Variants in PHLPP1 observed in about 807,000 individuals in gnomAD.
PHLPP1 encodes PH domain leucine-rich repeat-containing protein phosphatase 1.
Under a neutral mutation model 117.2 loss-of-function variants are expected in PHLPP1, and 42 were observed. The ratio of observed to expected loss-of-function variants is 0.36; its 90% CI spans 0.28 to 0.46. The LOEUF is 0.46. PHLPP1 is among the 20% of genes least tolerant of loss of function. The pLI is 1.00. For synonymous variants in PHLPP1, 1,042 were observed against 970.7 expected, an observed-to-expected ratio of 1.07 and a Z score of -1.37; for missense variants, 2,084 against 2,241.9, an observed-to-expected ratio of 0.93 and a Z score of 1.42.
chr18:62,855,708 G>A (rs947992946), intron 3 of PHLPP1, among the ~76,000 whole-genome samples: 1 of 152,224 alleles, frequency 6.6e-6, no homozygotes, highest in Non-Finnish European at 1.5e-5. Flanking sequence ...TTACGGTCTA[G>A]AAGGAGGAAA....
rs1243970277 is a variant in PHLPP1, at chr18:62,979,152, C to T, written c.4875C>T (p.Gly1625=). 6.2e-7 allele frequency: 1 copy of T among 1,613,938 alleles called. No individual in the cohort carries two copies. The highest frequency in any genetic ancestry group is 8.5e-7 in the Non-Finnish European group (1 of 1,179,864). The change falls in exon 17 of 17, where the codon GGC becomes GGT. Residue 1625 remains glycine, a synonymous_variant. Transcript: ENST00000262719. Reference sequence around the variant, plus strand: ...CCATTGGGCGCCGGAGGGCCAATGGCTCTGTTGCGCCCCAGGAAAGGAGCC... The same window carrying T: ...CCATTGGGCGCCGGAGGGCCAATGGTTCTGTTGCGCCCCAGGAAAGGAGCC... ...VGTIGRRRAN[G]SVAPQERSHN...
rs554181387 is a variant in PHLPP1, at chr18:62,901,605, A to G, written c.2445-1359A>G. Among the ~76,000 whole-genome samples, 9 of 149,636 alleles carry G rather than the reference A, an allele frequency of 6.0e-5. No homozygotes were observed. The South Asian group carries it at 1.7e-3, about 28-fold the overall frequency. On this transcript the variant is annotated intron_variant, in intron 6 of 16. Coordinates refer to ENST00000262719, the MANE Select transcript of PHLPP1 (RefSeq NM_194449.4). ...ACTCTAGCTTTTTCCTGTACTCTAG[A>G]CTTATATTAATACTCCTTTTTTCTT...
chr18:62,716,376 C>T lies in PHLPP1; in HGVS notation c.693C>T (p.Ala231=). 5.4e-6 allele frequency: 8 copies of T among 1,468,322 alleles called. No individual in the cohort carries two copies. The highest frequency in any genetic ancestry group is 2.7e-5 in the South Asian group (2 of 74,652). The allele number at this position is 1,468,322 out of a possible 1,614,324, so 91.0% of individuals were successfully genotyped here. Residue 231 remains alanine (A), a synonymous_variant, in exon 1 of 17, where the codon GCC becomes GCT. Transcript: ENST00000262719. The surrounding 1 kb of genome is among the most constrained non-coding windows in gnomAD (Gnocchi z 5.7). ...TGGACACCACGGCCGGCGAGGTGGC[C>T]GCCCGCCTGCTGCAGCTGGGCCACA... The part of the protein sequence containing the change: ...CTLDTTAGEV[A]ARLLQLGHKG...
chr18:62,761,632 C>CAA (rs1027407580), intron 1 of PHLPP1, among the ~76,000 whole-genome samples: 1 of 98,828 alleles, frequency 1.0e-5, no homozygotes, highest in Non-Finnish European at 2.1e-5. Flanking sequence ...GACTCCGTCT[C>CAA]AAAAAAAAAT....
intron 14 of PHLPP1, 53 bp from the exon 15 acceptor site, chr18:62,972,461 G>T (rs1434137730): frequency 6.6e-7 from 1 of 1,518,728 alleles, no homozygotes; most frequent in Non-Finnish European, 9.0e-7. Flanking sequence ...ACTGGGCTGG[G>T]CCTGGAGCAG....
At chr18:62,758,874 A>G (rs1912117626) in intron 1 of PHLPP1, among the ~76,000 whole-genome samples, 2 of 152,256 alleles carry the variant, frequency 1.3e-5, no homozygotes, top group Non-Finnish European at 1.5e-5. Flanking sequence ...GGTGATTGCA[A>G]TAAGGGGAGA....
At chr18:62,889,415 G>A (rs529099093) in intron 4 of PHLPP1, among the ~76,000 whole-genome samples, 1 of 152,296 alleles carries the variant, frequency 6.6e-6, no homozygotes, top group African/African-American at 2.4e-5. Flanking sequence ...AGTAAAATAT[G>A]TTATCTCCCT....
intron 1 of PHLPP1, among the ~76,000 whole-genome samples, chr18:62,798,025 C>T (rs554266032): frequency 2.0e-4 from 30 of 152,228 alleles, no homozygotes; most frequent in African/African-American, 7.2e-4. Flanking sequence ...ATTCCTTTTT[C>T]CAAGCTACAG....
At chr18:62,808,735 G>A (rs548942494) in intron 1 of PHLPP1, among the ~76,000 whole-genome samples, 1 of 152,018 alleles carries the variant, frequency 6.6e-6, no homozygotes, top group Admixed American at 6.5e-5. Context: ...TATATTTTTA[G>A]TAGAGACGGG....
At chr18:62,927,533 A>G (rs1909671471) in intron 10 of PHLPP1, among the ~76,000 whole-genome samples, 1 of 152,190 alleles carries the variant, frequency 6.6e-6, no homozygotes, top group Admixed American at 6.5e-5. Context: ...AGGGCTGGAA[A>G]GAAGTGATTG....
chr18:62,792,696 C>T (rs1214965907), intron 1 of PHLPP1, among the ~76,000 whole-genome samples: 3 of 151,682 alleles, frequency 2.0e-5, no homozygotes, highest in Non-Finnish European at 2.9e-5. Context: ...CATAGGGAGA[C>T]CCCATCTTTA....
At chr18:62,798,818 T>C (rs1358057608) in intron 1 of PHLPP1, among the ~76,000 whole-genome samples, 1 of 152,160 alleles carries the variant, frequency 6.6e-6, no homozygotes, top group South Asian at 2.1e-4. Flanking sequence ...AGGTCCCCAG[T>C]GAAATCCAGT....
intron 1 of PHLPP1, among the ~76,000 whole-genome samples, chr18:62,777,467 T>C (rs1326108767): frequency 6.6e-6 from 1 of 150,726 alleles, no homozygotes; most frequent in East Asian, 1.9e-4. Context: ...AAATATTTTA[T>C]CCTATTCTGT....
chr18:62,818,025 T>A (rs1439299397), intron 1 of PHLPP1, among the ~76,000 whole-genome samples: 1 of 151,830 alleles, frequency 6.6e-6, no homozygotes, highest in African/African-American at 2.4e-5. Flanking sequence ...CAGCTAATTT[T>A]TGTATGTTTA....
At chr18:62,960,567 CAAAAT>C (rs1182882191) in intron 13 of PHLPP1, among the ~76,000 whole-genome samples, 2 of 152,014 alleles carry the variant, frequency 1.3e-5, no homozygotes, top group East Asian at 1.9e-4. Context: ...GAAAAGTACT[CAAAAT>C]AAACCAAGGA....
At chr18:62,735,036 C>CATTCTTTTTTT (rs1239823883) in intron 1 of PHLPP1, among the ~76,000 whole-genome samples, 4 of 151,398 alleles carry the variant, frequency 2.6e-5, no homozygotes, top group African/African-American at 7.3e-5. Context: ...AAGAGGATGT[C>CATTCTTTTTTT]ATTCTTTTTT....
intron 4 of PHLPP1, among the ~76,000 whole-genome samples, chr18:62,885,485 C>T (rs1428484295): frequency 2.0e-5 from 3 of 152,116 alleles, no homozygotes; most frequent in Non-Finnish European, 4.4e-5. Context: ...TATGGTGAAA[C>T]CCTGTCTCTA....
intron 1 of PHLPP1, among the ~76,000 whole-genome samples, chr18:62,802,822 C>CTAATTA (rs1215414967): frequency 6.6e-6 from 1 of 151,890 alleles, no homozygotes; most frequent in African/African-American, 2.4e-5. Context: ...TAGAAACGTA[C>CTAATTA]TAATTATGCC....
intron 12 of PHLPP1, among the ~76,000 whole-genome samples, chr18:62,946,520 G>T (rs1476914709): frequency 6.6e-6 from 1 of 151,490 alleles, no homozygotes; most frequent in African/African-American, 2.4e-5. Flanking sequence ...CACCCACCTC[G>T]GCCTCCCAAA....
Sources: gnomAD v4.1 joint callset for allele counts (sites outside exome capture counted in the v4.1 genomes callset) on GRCh38, gnomAD v4.1.1 for gene constraint, Gnocchi (gnomAD v3.1) non-coding constraint, MANE v1.5 for transcripts, NCBI Gene and HGNC (gene_info 2026-07-23, HGNC 2026-07-21) for gene names.